The following RFT1 variants were observed in gnomAD, a reference collection of about 807,000 sequenced individuals.
RFT1 encodes the protein RFT1 glycolipid translocator homolog.
Under a neutral mutation model 62.2 loss-of-function variants are expected in RFT1, and 43 were observed. The observed-to-expected ratio is 0.69, with a 90% CI of 0.54 to 0.89. The LOEUF is 0.89. Ranked by LOEUF, RFT1 falls within the 40% of genes least tolerant of loss-of-function variation. RFT1 has a pLI of 0.00. For missense variants in RFT1, 605 were observed against 649.9 expected (o/e 0.93, Z 0.75); for synonymous variants, 262 against 264.6 (o/e 0.99, Z 0.10).
chr3:53,072,226 A>C, the RFT1 span, among the ~76,000 whole-genome samples: 1 of 152,092 alleles, frequency 6.6e-6, no homozygotes, highest in Non-Finnish European at 1.5e-5. Context: ...TCTCTACATG[A>C]GGCTGTGATA....
Position 53,092,388 on chromosome 3 carries a change from C to A in RFT1, c.1439G>T (p.Gly480Val). Residue 480 changes from glycine to valine, a missense_variant, in exon 12 of 13, where the codon GGG (glycine) becomes GTG (valine). Transcript: ENST00000296292. ...TCTCACCTCCGAAACAGCAGTAACC[C>A]CACCACTGAGGGCAAATGTCCCGAG... ...VLLGTFALSGGVTAVSEVFLC... is the reference protein window; with the variant it reads ...VLLGTFALSGVVTAVSEVFLC... The A allele has an allele frequency of 6.2e-7, 1 of 1,603,568 alleles. No individual in the cohort carries two copies. The highest frequency in any genetic ancestry group is 8.5e-7 in the Non-Finnish European group (1 of 1,175,610).
chr3:53,109,430 A>G (rs1408892693), intron 7 of RFT1, among the ~76,000 whole-genome samples: 1 of 152,194 alleles, frequency 6.6e-6, no homozygotes, highest in Non-Finnish European at 1.5e-5. Flanking sequence ...CCTGTTACTC[A>G]TTCATCTCAG....
chr3:53,119,943 G>A lies in RFT1; in HGVS notation c.637C>T (p.Leu213Phe). ...KLLGSPESTK[L>F]QTLPVSRITD... ...ATTCTGGAGACAGGAAGAGTTTGAA[G>A]CTTGGTTGATTCTGGGGAACCCAGT... The change falls in exon 6 of 13, where the codon CTT becomes TTT. Residue 213 changes from leucine to phenylalanine, a missense_variant. Transcript: ENST00000296292. 1 of 1,613,040 alleles carries A rather than the reference G, an allele frequency of 6.2e-7. No homozygotes were observed. Among genetic ancestry groups the A allele is most frequent in the Non-Finnish European group, 8.5e-7 (1 of 1,179,396 alleles).
chr3:53,083,719 G>A (rs1402656363), downstream of RFT1, among the ~76,000 whole-genome samples: 17 of 152,158 alleles, frequency 1.1e-4, no homozygotes, highest in Non-Finnish European at 1.8e-4. Context: ...AGCCCCACCG[G>A]GCAGCCAGAG....
chr3:53,083,647 G>A (rs71301814), downstream of RFT1, among the ~76,000 whole-genome samples: 11,241 of 152,306 alleles, frequency 0.074, 473 homozygotes, highest in East Asian at 0.12. Context: ...GCAGATCTGC[G>A]GCAGGCAGAG....
chr3:53,100,012 A>G (rs1309827765), intron 10 of RFT1, among the ~76,000 whole-genome samples: 1 of 152,194 alleles, frequency 6.6e-6, no homozygotes, highest in Non-Finnish European at 1.5e-5. Context: ...ACAATTATGA[A>G]TAAATGTACA....
chr3:53,098,663 A>G (rs1010755369), intron 11 of RFT1, among the ~76,000 whole-genome samples: 37 of 152,126 alleles, frequency 2.4e-4, no homozygotes, highest in South Asian at 4.2e-4. Context: ...TTAGCCAGGC[A>G]TGGTGGCACG....
intron 2 of RFT1, among the ~76,000 whole-genome samples, chr3:53,124,070 G>A (rs915049186): frequency 6.6e-6 from 1 of 152,240 alleles, no homozygotes; most frequent in African/African-American, 2.4e-5. Context: ...TTACGTGAAG[G>A]ATAGAAACTG....
chr3:53,084,527 C>T (rs532136416), downstream of RFT1, among the ~76,000 whole-genome samples: 2 of 152,342 alleles, frequency 1.3e-5, no homozygotes, highest in Admixed American at 1.3e-4. Flanking sequence ...GCTCAGTTGT[C>T]ACCTCCAATG....
At chr3:53,112,088 C>T (rs1457260026) in intron 6 of RFT1, among the ~76,000 whole-genome samples, 180 bp from the exon 7 acceptor site, 2 of 152,196 alleles carry the variant, frequency 1.3e-5, no homozygotes, top group Non-Finnish European at 2.9e-5. Flanking sequence ...GAAGAATTTA[C>T]ATTACTAAAC....
intron 2 of RFT1, among the ~76,000 whole-genome samples, chr3:53,125,396 G>A (rs1029014777): frequency 1.2e-4 from 18 of 152,194 alleles, no homozygotes; most frequent in Non-Finnish European, 2.5e-4. Context: ...AGACAAAGAA[G>A]TCATCTTTCC....
At chr3:53,094,882 A>T (rs1486072793) in intron 11 of RFT1, among the ~76,000 whole-genome samples, 2 of 152,132 alleles carry the variant, frequency 1.3e-5, no homozygotes, top group African/African-American at 2.4e-5. Context: ...AGGGCCCTGC[A>T]GCTGCTGAAC....
At chr3:53,086,349 T>C (rs142796438), downstream of RFT1, among the ~76,000 whole-genome samples, 1,678 of 152,248 alleles carry the variant, frequency 0.011, 25 homozygotes, top group Non-Finnish European at 0.012. Context: ...AGAGTCTCGC[T>C]CTGTCACCCA....
At position 53,121,674 on chromosome 3, in the gene RFT1, A is replaced by C. The variant is rs184921661; in HGVS notation, c.558+25T>G. On this transcript the variant is annotated intron_variant, in intron 5 of 12. Coordinates refer to ENST00000296292, the MANE Select transcript of RFT1 (RefSeq NM_052859.4). ...CAGTTGGAGAAACAAAGATCATATAAAAAGTTAAAAGCCATGATTCTTACC... is the reference window on the plus strand; with the variant it reads ...CAGTTGGAGAAACAAAGATCATATACAAAGTTAAAAGCCATGATTCTTACC... 37 of 1,559,150 alleles carry C rather than the reference A, an allele frequency of 2.4e-5. No individual in the cohort carries two copies. The Admixed American group carries it at 5.9e-4, about 25-fold the overall frequency.
At chr3:53,101,613 T>C (rs944640020) in intron 10 of RFT1, among the ~76,000 whole-genome samples, 1 of 152,164 alleles carries the variant, frequency 6.6e-6, no homozygotes, top group Admixed American at 6.5e-5. Flanking sequence ...AAAATAGATA[T>C]GTTAATGTCC....
chr3:53,110,379 T>C (rs1031009032), intron 7 of RFT1, among the ~76,000 whole-genome samples: 1 of 152,242 alleles, frequency 6.6e-6, no homozygotes, highest in Non-Finnish European at 1.5e-5. Flanking sequence ...AGGGAGGCAG[T>C]AGTGAACGGC....
downstream of RFT1, among the ~76,000 whole-genome samples, chr3:53,088,235 G>A (rs1309268306): frequency 6.6e-6 from 1 of 152,160 alleles, no homozygotes; most frequent in African/African-American, 2.4e-5. Flanking sequence ...ACAGCTTAAG[G>A]GGGGATGGGG....
At position 53,123,836 on chromosome 3, in the gene RFT1, T is replaced by G. The variant is rs1702035840; in HGVS notation, c.154A>C (p.Thr52Pro). ...EIVGVVNVRL[T>P]LLYSTTLFLA... Reference sequence around the variant, plus strand: ...AAGAGGGTGGTTGAGTAAAGCAGCGTTAGTCTGTAAATGAAAGGGAGAAAT... The same window carrying G: ...AAGAGGGTGGTTGAGTAAAGCAGCGGTAGTCTGTAAATGAAAGGGAGAAAT... The change falls in exon 3 of 13, where the codon ACG (threonine) becomes CCG (proline). Residue 52 changes from threonine to proline, a missense_variant. Physicochemically the swap from Thr to Pro is conservative, Grantham distance 38. Coordinates refer to ENST00000296292, the MANE Select transcript of RFT1 (RefSeq NM_052859.4). The G allele has an allele frequency of 2.5e-6, 4 of 1,612,946 alleles. No homozygotes were observed. The highest frequency in any genetic ancestry group is 3.4e-6 in the Non-Finnish European group (4 of 1,179,040).
At chr3:53,110,926 T>G (rs1701630184) in intron 7 of RFT1, among the ~76,000 whole-genome samples, 1 of 152,178 alleles carries the variant, frequency 6.6e-6, no homozygotes, top group African/African-American at 2.4e-5. Context: ...ATACAAAAAC[T>G]AAATGTGCTT....
Sources: gnomAD v4.1 joint callset for allele counts (sites outside exome capture counted in the v4.1 genomes callset) on GRCh38, gnomAD v4.1.1 for gene constraint, MANE v1.5 for transcripts, NCBI Gene and HGNC (gene_info 2026-07-23, HGNC 2026-07-21) for gene names.